The following GMDS variants were observed in gnomAD, a reference collection of about 807,000 sequenced individuals.
The protein encoded by GMDS is GDP-mannose 4,6 dehydratase.
In GMDS, 20 loss-of-function variants were observed where a neutral mutation model predicts 49.9. The observed-to-expected ratio is 0.40, with a 90% CI of 0.28 to 0.58. GMDS has a LOEUF of 0.58. Ranked by LOEUF, GMDS falls within the 20% of genes least tolerant of loss-of-function variation. The pLI, the probability that GMDS is intolerant of heterozygous loss-of-function variation, is 0.42. For missense variants in GMDS, 362 were observed against 481.4 expected (o/e 0.75, Z 2.32); for synonymous variants, 177 against 178.6 (o/e 0.99, Z 0.07).
At chr6:1,740,311 C>T (rs929952759) in intron 8 of GMDS, among the ~76,000 whole-genome samples, 1 of 152,100 alleles carries the variant, frequency 6.6e-6, no homozygotes, top group South Asian at 2.1e-4. Context: ...AATCCCAGCA[C>T]TTTGGGAAGC....
At chr6:1,824,627 A>C (rs1351914095) in intron 7 of GMDS, among the ~76,000 whole-genome samples, 1 of 152,114 alleles carries the variant, frequency 6.6e-6, no homozygotes, top group African/African-American at 2.4e-5. Flanking sequence ...TGAGGATCCA[A>C]ACCCCAGCTC....
chr6:1,879,884 T>C (rs1035586408), intron 7 of GMDS, among the ~76,000 whole-genome samples: 20 of 151,706 alleles, frequency 1.3e-4, no homozygotes, highest in Non-Finnish European at 2.5e-4. Context: ...TGATACTGTA[T>C]TTAAGGGTAT....
intron 4 of GMDS, among the ~76,000 whole-genome samples, chr6:2,095,973 A>G (rs906442263): frequency 6.6e-6 from 1 of 152,210 alleles, no homozygotes; most frequent in Non-Finnish European, 1.5e-5. Flanking sequence ...GCAAGCATAG[A>G]AGTGACAACT....
chr6:1,852,414 C>T lies in GMDS; in HGVS notation c.771+77689G>A, dbSNP rs184968398. Among the ~76,000 whole-genome samples, 284 of 152,232 alleles carry T rather than the reference C, an allele frequency of 1.9e-3. 1 individual carries two copies. The highest frequency in any genetic ancestry group is 3.5e-3 in the South Asian group (17 of 4,818). On this transcript the variant is annotated intron_variant, in intron 7 of 10. Transcript: ENST00000380815. ...GCTTAACGAGTAAACTCAAAAATGG[C>T]AGTTGAGGTGCATATGAAAAAAACT...
chr6:1,913,334 T>TGG (rs1458488184), intron 7 of GMDS, among the ~76,000 whole-genome samples: 1 of 131,640 alleles, frequency 7.6e-6, no homozygotes, highest in Non-Finnish European at 1.5e-5. Context: ...TGAGCCGAGA[T>TGG]CCTGCCACTG....
At chr6:2,020,441 A>G (rs928768460) in intron 4 of GMDS, among the ~76,000 whole-genome samples, 4 of 152,146 alleles carry the variant, frequency 2.6e-5, no homozygotes, top group Non-Finnish European at 5.9e-5. Flanking sequence ...AAATGTCTTA[A>G]TATTTTATTG....
chr6:1,909,733 A>G (rs1381660444), intron 7 of GMDS, among the ~76,000 whole-genome samples: 1 of 152,176 alleles, frequency 6.6e-6, no homozygotes, highest in African/African-American at 2.4e-5. Flanking sequence ...CGGCATGGCT[A>G]TGGCCCCATG....
intron 7 of GMDS, among the ~76,000 whole-genome samples, chr6:1,815,291 C>T (rs1199121526): frequency 6.6e-6 from 1 of 152,190 alleles, no homozygotes; most frequent in East Asian, 1.9e-4. Flanking sequence ...AAAAAATTTA[C>T]CCCAAGTTAT....
At chr6:1,739,629 C>A (rs192867428) in intron 8 of GMDS, among the ~76,000 whole-genome samples, 3 of 152,366 alleles carry the variant, frequency 2.0e-5, no homozygotes, top group Non-Finnish European at 4.4e-5. Flanking sequence ...AAGGGCCAGC[C>A]ACAGTCCTTC....
chr6:1,939,068 C>T (rs946343321), intron 6 of GMDS, among the ~76,000 whole-genome samples: 1 of 148,176 alleles, frequency 6.7e-6, no homozygotes, highest in Non-Finnish European at 1.5e-5. Flanking sequence ...CTTTTTCAAA[C>T]CTGCCTGGGC....
intron 7 of GMDS, among the ~76,000 whole-genome samples, chr6:1,850,006 T>C (rs1428687049): frequency 2.0e-5 from 3 of 152,220 alleles, no homozygotes; most frequent in East Asian, 3.8e-4. Context: ...GCACATAAAA[T>C]ACTATTTGTT....
At chr6:2,059,922 T>G (rs1469027130) in intron 4 of GMDS, among the ~76,000 whole-genome samples, 1 of 151,986 alleles carries the variant, frequency 6.6e-6, no homozygotes, top group African/African-American at 2.4e-5. Context: ...AACATTGGTA[T>G]TAGAATCTAC....
chr6:2,096,249 G>A (rs975894055), intron 4 of GMDS, among the ~76,000 whole-genome samples: 21 of 152,078 alleles, frequency 1.4e-4, no homozygotes, highest in South Asian at 6.2e-4. Context: ...AAAAAGAGGC[G>A]TGAAATGAAA....
In GMDS at chr6:1,885,074, A is replaced by C. The variant is rs1298135634; in HGVS notation, c.771+45029T>G. Among the ~76,000 whole-genome samples, 5 of 152,224 alleles carry C rather than the reference A, an allele frequency of 3.3e-5. No homozygotes were observed. The East Asian group carries it at 5.8e-4, about 18-fold the overall frequency. On this transcript the variant is annotated intron_variant, in intron 7 of 10. Coordinates refer to ENST00000380815, the MANE Select transcript of GMDS (RefSeq NM_001500.4). ...TCTGGCACCTCTCCTCTGAGATGTT[A>C]AAAGGATGTTTTAAGTAATTTATGA...
At chr6:2,211,456 A>T (rs3800184) in intron 1 of GMDS, among the ~76,000 whole-genome samples, 16,852 of 152,198 alleles carry the variant, frequency 0.11, 1,036 homozygotes, top group Middle Eastern at 0.23. Context: ...ACTTTCTCCT[A>T]CAATTCTCTA....
intron 7 of GMDS, among the ~76,000 whole-genome samples, chr6:1,756,576 G>T (rs1418579793): frequency 6.6e-6 from 1 of 152,178 alleles, no homozygotes; most frequent in Non-Finnish European, 1.5e-5. Flanking sequence ...CCGGCTGGCT[G>T]CAGCCTTTTG....
intron 6 of GMDS, among the ~76,000 whole-genome samples, chr6:1,942,783 A>T (rs989500939): frequency 2.0e-5 from 3 of 152,210 alleles, no homozygotes. Flanking sequence ...TAACACCCAT[A>T]CAGCGCTATC....
rs560719912 is a variant in GMDS, at chr6:1,657,767, T to C, written c.988-33227A>G. ...TCACCAATTTCTATCCCACTTACTT[T>C]CTCTCTCCCTGGAGAGTTGGGCAAA... On this transcript the variant is annotated intron_variant, in intron 9 of 10. Transcript: ENST00000380815. Among the ~76,000 whole-genome samples the C allele has an allele frequency of 2.6e-4, 39 of 151,156 alleles. 1 individual carries two copies. In the East Asian group the frequency reaches 6.3e-3, roughly 24 times the overall value.
intron 7 of GMDS, among the ~76,000 whole-genome samples, chr6:1,767,437 C>T (rs750994065): frequency 1.1e-4 from 17 of 152,178 alleles, no homozygotes; most frequent in Non-Finnish European, 2.2e-4. Context: ...TTACTTCAAC[C>T]TTATGCCCTG....
Sources: allele counts gnomAD v4.1 joint callset (sites outside exome capture counted in the v4.1 genomes callset), GRCh38; gene constraint gnomAD v4.1.1; transcripts MANE v1.5; gene names NCBI Gene and HGNC (gene_info 2026-07-23, HGNC 2026-07-21).